Variants in DISP3 observed in about 807,000 individuals in gnomAD.
DISP3 encodes dispatched RND transporter family member 3, also known as protein dispatched homolog 3.
Under a neutral mutation model 135.3 loss-of-function variants are expected in DISP3, and 101 were observed. The ratio of observed to expected loss-of-function variants is 0.75; its 90% CI spans 0.64 to 0.88. The LOEUF (loss-of-function observed/expected upper bound fraction) is 0.88. Among genes scored for constraint, DISP3 ranks in the 40% least tolerant of loss-of-function variants. DISP3 has a pLI of 0.00. For synonymous variants in DISP3, 856 were observed against 817.0 expected, an observed-to-expected ratio of 1.05 and a Z score of -0.81; for missense variants, 1,713 against 1,878.6, an observed-to-expected ratio of 0.91 and a Z score of 1.63.
chr1:11,505,970 G>C (rs1641686478), intron 3 of DISP3, among the ~76,000 whole-genome samples: 1 of 152,064 alleles, frequency 6.6e-6, no homozygotes, highest in South Asian at 2.1e-4. Flanking sequence ...TGTTTTGTTT[G>C]CCTAGTAGAC....
intron 10 of DISP3, among the ~76,000 whole-genome samples, chr1:11,523,209 C>T (rs1344786822): frequency 1.3e-5 from 2 of 152,220 alleles, no homozygotes; most frequent in Non-Finnish European, 2.9e-5. Flanking sequence ...AGGATTAAAA[C>T]TTTGAAGGTG....
At chr1:11,500,191 G>A (rs1384148637) in intron 1 of DISP3, among the ~76,000 whole-genome samples, 2 of 152,230 alleles carry the variant, frequency 1.3e-5, no homozygotes, top group Non-Finnish European at 2.9e-5. Flanking sequence ...CTGACAAACA[G>A]TGCTGCAGCT....
intron 1 of DISP3, among the ~76,000 whole-genome samples, chr1:11,482,965 G>A (rs1640942377): frequency 1.3e-5 from 2 of 152,222 alleles, no homozygotes; most frequent in Admixed American, 6.5e-5. Context: ...GAGCAGTGTC[G>A]GCCCAAAATA....
rs1345130874 is a variant in DISP3, at chr1:11,483,018, C to T, written c.-4+3646C>T. On this transcript the variant is annotated intron_variant, in intron 1 of 20. Transcript: ENST00000294484. The surrounding 1 kb of genome is among the most constrained non-coding windows in gnomAD (Gnocchi z 5.4). ...ACAAATATGTATGTTTTCCAAAAGT[C>T]GCATTTCACGGGCAGACAGTGCGGC... Among the ~76,000 whole-genome samples, 1 of 152,240 alleles carries T rather than the reference C, an allele frequency of 6.6e-6. No individual in the cohort carries two copies. The highest frequency in any genetic ancestry group is 1.5e-5 in the Non-Finnish European group (1 of 68,048).
rs1026577157 is a variant in DISP3, at chr1:11,502,017, A to C, written c.1025A>C (p.Tyr342Ser). The stretch of plus-strand genomic sequence containing the variant: ...TCGCCCCCCAGCTCGCTCATGACCT[A>C]CTTTTTTCCCACCGAGAGGGGCGGC... ...YCSPPSSLMT[Y>S]FFPTERGGKI... Residue 342 changes from tyrosine (Y) to serine (S), a missense_variant, in exon 2 of 21, where the codon TAC becomes TCC. By Grantham distance (144) the Tyr-to-Ser change is moderately radical. Transcript: ENST00000294484. 1.9e-6 allele frequency: 3 copies of C among 1,608,580 alleles called. 1 individual carries two copies. The highest frequency in any genetic ancestry group is 2.7e-5 in the African/African-American group (2 of 74,562).
rs1641585575 is a variant in DISP3 at position 11,502,742 on chromosome 1, A to G, written c.1161A>G (p.Ala387=). Reference sequence around the variant, plus strand: ...GGTATGTGGATGAGGGCCTCTCTGCAGACAATCTGAAGAGCTCCCTCCTGC... The same window carrying G: ...GGTATGTGGATGAGGGCCTCTCTGCGGACAATCTGAAGAGCTCCCTCCTGC... ...FYWYVDEGLS[A]DNLKSSLLRS... is the part of the protein sequence containing the mutation. Residue 387 remains alanine (A), a synonymous_variant, in exon 3 of 21, where the codon GCA becomes GCG. Transcript: ENST00000294484. The G allele has an allele frequency of 6.2e-7, 1 of 1,614,148 alleles. No homozygotes were observed.
chr1:11,520,416 G>A lies in DISP3; in HGVS notation c.2201-271G>A, dbSNP rs903849517. On this transcript the variant is annotated intron_variant, in intron 9 of 20. Transcript: ENST00000294484. This position sits in a 1 kb window ranked among gnomAD's most constrained non-coding sequence, Gnocchi z 4.8. The stretch of plus-strand genomic sequence containing the variant: ...ACCAGCTCGTCATAAACTATGAGGT[G>A]CTCTGAGGTGGTGGCCGCCTCTTGT... Among the ~76,000 whole-genome samples the A allele has an allele frequency of 2.6e-5, 4 of 152,182 alleles. No homozygotes were observed. Among genetic ancestry groups the A allele is most frequent in the African/African-American group, 7.2e-5 (3 of 41,428 alleles).
In DISP3 at chr1:11,519,741, G is replaced by A; in HGVS notation, c.2061G>A (p.Val687=). Residue 687 remains valine (V), a synonymous_variant, in exon 9 of 21, where the codon GTG becomes GTA. Transcript: ENST00000294484. This position sits in a 1 kb window ranked among gnomAD's most constrained non-coding sequence, Gnocchi z 4.3. ...EEPVSLELGD[V]SLVSVSPEGL... is the part of the protein sequence containing the mutation. Reference sequence around the variant, plus strand: ...CAGTGTCACTGGAGCTGGGAGACGTGTCCCTGGTGTCTGTGTCCCCCGAGG... The same window carrying A: ...CAGTGTCACTGGAGCTGGGAGACGTATCCCTGGTGTCTGTGTCCCCCGAGG... The A allele has an allele frequency of 6.2e-7, 1 of 1,613,034 alleles. No individual in the cohort carries two copies. Among genetic ancestry groups the A allele is most frequent in the Non-Finnish European group, 8.5e-7 (1 of 1,179,996 alleles).
At chr1:11,534,804 G>C in intron 18 of DISP3, 2 of 759,548 alleles carry the variant, frequency 2.6e-6, no homozygotes, top group Non-Finnish European at 4.5e-6. Flanking sequence ...CCAGTTACCA[G>C]CCCCTCCTAG....
chr1:11,520,883 C>T lies in DISP3; in HGVS notation c.2362+35C>T, dbSNP rs1328687914. On this transcript the variant is annotated intron_variant, in intron 10 of 20. Transcript: ENST00000294484. The surrounding 1 kb of genome is among the most constrained non-coding windows in gnomAD (Gnocchi z 4.8). Reference sequence around the variant, plus strand: ...CTAGCCAGGCTGTCCCTGGCCCGCTCAGGTGTCCGGGTCCCAAAGACTGTT... The same window carrying T: ...CTAGCCAGGCTGTCCCTGGCCCGCTTAGGTGTCCGGGTCCCAAAGACTGTT... 3.9e-6 allele frequency: 6 copies of T among 1,552,198 alleles called. No homozygotes were observed. In the Admixed American group the frequency reaches 9.7e-5, roughly 25 times the overall value.
intron 19 of DISP3, 52 bp from the exon 20 acceptor site, chr1:11,535,426 G>T: frequency 6.4e-7 from 1 of 1,553,776 alleles, no homozygotes. Flanking sequence ...CTGTTCCTCT[G>T]AGGCCTCCAG....
At chr1:11,534,692 G>A in intron 18 of DISP3, 152 bp downstream of exon 18, 1 of 1,142,252 alleles carries the variant, frequency 8.8e-7, no homozygotes, top group East Asian at 2.6e-5. Context: ...ATTGATCAGA[G>A]GCTGGAGTTT....
chr1:11,517,341 T>C (rs1271243608), intron 6 of DISP3, 122 bp from the exon 7 acceptor site: 1 of 1,327,822 alleles, frequency 7.5e-7, no homozygotes, highest in African/African-American at 1.5e-5. Context: ...CTGGGCCTCC[T>C]CCTACTGCCT....
intron 1 of DISP3, among the ~76,000 whole-genome samples, chr1:11,482,503 G>T (rs1399118366): frequency 2.0e-5 from 3 of 152,158 alleles, no homozygotes; most frequent in African/African-American, 7.2e-5. Flanking sequence ...AGGAGGTGGT[G>T]TCCCTAAGGG....
chr1:11,498,712 A>G (rs753827223), intron 1 of DISP3, among the ~76,000 whole-genome samples: 10 of 152,202 alleles, frequency 6.6e-5, no homozygotes, highest in Non-Finnish European at 1.3e-4. Flanking sequence ...GGGAAGTAGC[A>G]TATGAAAGAA....
At chr1:11,512,202 C>T (rs1018593288) in intron 3 of DISP3, among the ~76,000 whole-genome samples, 31 of 152,144 alleles carry the variant, frequency 2.0e-4, no homozygotes, top group Non-Finnish European at 3.8e-4. Context: ...ACATTAGGCT[C>T]CTTGCTACTT....
Position 11,537,017 on chromosome 1 carries a change from G to A in DISP3, c.*331G>A, listed in dbSNP as rs941484419. The A allele has an allele frequency of 3.0e-6, 1 of 330,364 alleles. No individual in the cohort carries two copies. Among genetic ancestry groups the A allele is most frequent in the Non-Finnish European group, 5.6e-6 (1 of 178,496 alleles). The allele number at this position is 330,364 out of a possible 1,614,324, so 20.5% of individuals were successfully genotyped here. Reference sequence around the variant, plus strand: ...GGGGTCTCCCTCTCACACTGCCTCAGTGCTCACAACCTTCCAGTGTGGATG... The same window carrying A: ...GGGGTCTCCCTCTCACACTGCCTCAATGCTCACAACCTTCCAGTGTGGATG... On this transcript the variant is annotated 3_prime_UTR_variant, in exon 21 of 21. Transcript: ENST00000294484.
At chr1:11,534,881 A>G in intron 18 of DISP3, 130 bp from the exon 19 acceptor site, 1 of 878,398 alleles carries the variant, frequency 1.1e-6, no homozygotes, top group Non-Finnish European at 1.8e-6. Flanking sequence ...CCGGTAGGGT[A>G]GGTCCTGTTA....
In DISP3 at chr1:11,510,084, G is replaced by A. The variant is rs111346240; in HGVS notation, c.1317-4306G>A. On this transcript the variant is annotated intron_variant, in intron 3 of 20. Coordinates refer to ENST00000294484, the MANE Select transcript of DISP3 (RefSeq NM_020780.2). ...ACTGCACTCCAGCCTGGGTGACAGA[G>A]TGAGACTCTGTCTCAAAAAATAAAT... is the stretch of plus-strand genomic sequence containing the variant. Among the ~76,000 whole-genome samples the A allele has an allele frequency of 2.1e-4, 32 of 152,258 alleles. No homozygotes were observed. The East Asian group carries it at 6.0e-3, about 28-fold the overall frequency.
Sources: allele counts gnomAD v4.1 joint callset (sites outside exome capture counted in the v4.1 genomes callset), GRCh38; gene constraint gnomAD v4.1.1; non-coding constraint Gnocchi (gnomAD v3.1); transcripts MANE v1.5; gene names NCBI Gene and HGNC (gene_info 2026-07-23, HGNC 2026-07-21).